Variants in SCLT1 observed in about 807,000 individuals in gnomAD.
The protein encoded by SCLT1 is sodium channel-associated protein 1.
SCLT1 carries 78 observed loss-of-function variants against 112.8 expected under a neutral mutation model. The observed-to-expected ratio is 0.69, with a 90% confidence interval of 0.58 to 0.83. SCLT1 has a LOEUF of 0.83. SCLT1 is among the 40% of genes least tolerant of loss of function. SCLT1 has a pLI of 0.00. For synonymous variants in SCLT1, 257 were observed against 254.7 expected, an observed-to-expected ratio of 1.01 and a Z score of -0.09; for missense variants, 747 against 770.4, an observed-to-expected ratio of 0.97 and a Z score of 0.36.
Position 128,887,540 on chromosome 4 carries a change from T to G in SCLT1, c.2004+1139A>C, listed in dbSNP as rs191991306. Among the ~76,000 whole-genome samples the G allele has an allele frequency of 9.9e-5, 15 of 152,264 alleles. No individual in the cohort carries two copies. The East Asian group carries it at 2.3e-3, about 23-fold the overall frequency. Reference sequence around the variant, plus strand: ...TAATACATTTATAAGCAAATATAATTAATAATATAGTAATTTGATTTGTTT... The same window carrying G: ...TAATACATTTATAAGCAAATATAATGAATAATATAGTAATTTGATTTGTTT... On this transcript the variant is annotated intron_variant, in intron 20 of 20. Transcript: ENST00000281142.
intron 2 of SCLT1, among the ~76,000 whole-genome samples, chr4:129,061,656 G>T (rs1749988301): frequency 6.6e-6 from 1 of 152,122 alleles, no homozygotes; most frequent in Non-Finnish European, 1.5e-5. Flanking sequence ...CAGTCTGGTG[G>T]TGGGGGCGTG....
At chr4:129,049,619 T>TA (rs1453659185) in intron 2 of SCLT1, among the ~76,000 whole-genome samples, 1 of 135,854 alleles carries the variant, frequency 7.4e-6, no homozygotes, top group Non-Finnish European at 1.6e-5. Context: ...CCCTAAAACT[T>TA]AAAGTATAAA....
intron 2 of SCLT1, among the ~76,000 whole-genome samples, chr4:129,062,238 C>A (rs537343670): frequency 9.2e-5 from 14 of 152,222 alleles, no homozygotes; most frequent in African/African-American, 3.1e-4. Flanking sequence ...TTTTGAGTTT[C>A]TGTGCCCACT....
chr4:128,925,593 G>A (rs1251216382), intron 18 of SCLT1, among the ~76,000 whole-genome samples: 2 of 152,098 alleles, frequency 1.3e-5, no homozygotes, highest in African/African-American at 2.4e-5. Flanking sequence ...CAAAGTGCTA[G>A]GATTACAGGC....
chr4:129,083,122 C>G (rs1361828400), intron 1 of SCLT1, among the ~76,000 whole-genome samples: 1 of 135,892 alleles, frequency 7.4e-6, no homozygotes, highest in Non-Finnish European at 1.5e-5. Context: ...ACCCGGGAGG[C>G]AGAAGTTGCA....
intron 9 of SCLT1, 110 bp downstream of exon 9, chr4:128,992,057 C>A (rs1010874344): frequency 4.7e-6 from 3 of 644,442 alleles, no homozygotes; most frequent in Non-Finnish European, 8.2e-6. Flanking sequence ...TTGGCAGAAG[C>A]TTAACAAAAG....
chr4:129,028,790 C>T (rs948576140), intron 5 of SCLT1, among the ~76,000 whole-genome samples: 2 of 151,924 alleles, frequency 1.3e-5, no homozygotes, highest in Non-Finnish European at 2.9e-5. Context: ...TGACAAAAGG[C>T]TAATATCCAG....
chr4:128,972,657 G>A (rs1234468525), intron 9 of SCLT1, among the ~76,000 whole-genome samples: 1 of 152,068 alleles, frequency 6.6e-6, no homozygotes. Flanking sequence ...AATCTAATTG[G>A]CCTGAGTCTA....
intron 1 of SCLT1, among the ~76,000 whole-genome samples, chr4:129,083,705 A>C (rs1220768727): frequency 6.6e-6 from 1 of 152,174 alleles, no homozygotes; most frequent in African/African-American, 2.4e-5. Context: ...GAATTACAAA[A>C]TAAATTTTAA....
At chr4:129,081,350 C>T (rs1238811139) in intron 2 of SCLT1, among the ~76,000 whole-genome samples, 1 of 152,218 alleles carries the variant, frequency 6.6e-6, no homozygotes, top group Non-Finnish European at 1.5e-5. Context: ...ACGCTCTGGT[C>T]CCCTGGACCC....
At chr4:128,907,975 C>T (rs879838427) in intron 18 of SCLT1, among the ~76,000 whole-genome samples, 5 of 152,154 alleles carry the variant, frequency 3.3e-5, no homozygotes, top group Non-Finnish European at 5.9e-5. Flanking sequence ...ATCTTGGACA[C>T]TTTAATTAAT....
At chr4:129,080,950 C>T (rs1318592693) in intron 2 of SCLT1, among the ~76,000 whole-genome samples, 1 of 152,106 alleles carries the variant, frequency 6.6e-6, no homozygotes, top group Non-Finnish European at 1.5e-5. Flanking sequence ...CCATGGGCGG[C>T]CTCTGAGGAG....
At chr4:128,926,909 G>A (rs567428505) in intron 18 of SCLT1, among the ~76,000 whole-genome samples, 1 of 151,916 alleles carries the variant, frequency 6.6e-6, no homozygotes, top group East Asian at 1.9e-4. Context: ...TCCTAAGTAT[G>A]TGTGGTATAA....
At chr4:128,902,084 T>C (rs1002641109) in intron 18 of SCLT1, among the ~76,000 whole-genome samples, 12 of 152,072 alleles carry the variant, frequency 7.9e-5, no homozygotes, top group African/African-American at 2.9e-4. Context: ...ATCTTGTGTT[T>C]TGTAGAGATG....
intron 18 of SCLT1, among the ~76,000 whole-genome samples, chr4:128,916,129 A>G (rs1371527524): frequency 6.6e-6 from 1 of 152,232 alleles, no homozygotes; most frequent in Non-Finnish European, 1.5e-5. Flanking sequence ...GCAAGGTATA[A>G]TTCTGAACTT....
At chr4:129,005,812 T>C (rs1256020128) in intron 5 of SCLT1, among the ~76,000 whole-genome samples, 2 of 150,582 alleles carry the variant, frequency 1.3e-5, no homozygotes, top group Admixed American at 1.3e-4. Flanking sequence ...GTGGCACATA[T>C]ACACCATGGA....
chr4:129,015,125 T>G (rs1490302589), intron 5 of SCLT1, among the ~76,000 whole-genome samples: 1 of 152,106 alleles, frequency 6.6e-6, no homozygotes, highest in African/African-American at 2.4e-5. Flanking sequence ...ACCAAGGCTC[T>G]GTCTGCAATG....
chr4:128,999,074 C>T (rs1270342976), intron 7 of SCLT1, among the ~76,000 whole-genome samples: 2 of 151,838 alleles, frequency 1.3e-5, no homozygotes, highest in African/African-American at 4.8e-5. Flanking sequence ...TGTCAATAGA[C>T]GTGTAAAGCA....
intron 4 of SCLT1, 141 bp from the exon 5 acceptor site, chr4:129,039,237 A>G (rs1275980658): frequency 5.2e-6 from 3 of 574,548 alleles, no homozygotes; most frequent in Non-Finnish European, 9.4e-6. Context: ...ACAAAGGGAT[A>G]ATTAATATGG....
Sources: allele counts gnomAD v4.1 joint callset (sites outside exome capture counted in the v4.1 genomes callset), GRCh38; gene constraint gnomAD v4.1.1; transcripts MANE v1.5; gene names NCBI Gene and HGNC (gene_info 2026-07-23, HGNC 2026-07-21).